Variants in XIRP2 observed in about 807,000 individuals in gnomAD.
XIRP2 encodes xin actin-binding repeat-containing protein 2.
In XIRP2, 236 loss-of-function variants were observed where a neutral mutation model predicts 277.0. The ratio of observed to expected loss-of-function variants is 0.85; its 90% CI spans 0.77 to 0.95. XIRP2 has a LOEUF of 0.95. Ranked by LOEUF, XIRP2 falls within the 40% of genes least tolerant of loss-of-function variation. The pLI is 0.00. For missense variants in XIRP2, 4,640 were observed against 4,157.5 expected, an observed-to-expected ratio of 1.12 and a Z score of -3.19; for synonymous variants, 1,490 against 1,416.5, an observed-to-expected ratio of 1.05 and a Z score of -1.17.
chr2:167,015,948 A>G (rs1402146289), intron 2 of XIRP2, among the ~76,000 whole-genome samples: 1 of 151,650 alleles, frequency 6.6e-6, no homozygotes, highest in Non-Finnish European at 1.5e-5. Context: ...AACTCTCTCT[A>G]CCCTGACTTT....
At chr2:167,072,277 G>C (rs1420775789) in intron 2 of XIRP2, among the ~76,000 whole-genome samples, 1 of 152,036 alleles carries the variant, frequency 6.6e-6, no homozygotes, top group Non-Finnish European at 1.5e-5. Flanking sequence ...TTATGGGAGG[G>C]TATATATAGA....
chr2:167,259,576 A>C lies in XIRP2; in HGVS notation c.*1759A>C. ...ATCTACTTTTGTTTGAACTGGAATG[A>C]AGAGATGAAACACTATGGATATGTT... is the stretch of plus-strand genomic sequence containing the variant. On this transcript the variant is annotated 3_prime_UTR_variant, in exon 11 of 11. Coordinates refer to ENST00000409195, the MANE Select transcript of XIRP2 (RefSeq NM_152381.6). 1 of 482,984 alleles carries C rather than the reference A, an allele frequency of 2.1e-6. No individual in the cohort carries two copies. Among genetic ancestry groups the C allele is most frequent in the South Asian group, 4.7e-5 (1 of 21,492 alleles). 29.9% of individuals were successfully genotyped at this position (482,984 alleles called of 1,614,324 possible). A position where few individuals can be genotyped will look rare whatever the true frequency, so the allele number is the denominator to read the frequency against.
rs1290328391 is a variant in XIRP2 at position 167,251,073 on chromosome 2, A to G, written c.9681A>G (p.Ile3227Met). 4 of 1,613,678 alleles carry G rather than the reference A, an allele frequency of 2.5e-6. No homozygotes were observed. The highest frequency in any genetic ancestry group is 8.5e-7 in the Non-Finnish European group (1 of 1,179,758). Residue 3227 changes from isoleucine (I) to methionine (M), a missense_variant, in exon 9 of 11, where the codon ATA becomes ATG. Transcript: ENST00000409195. ...SPATLRRQIKIETRGRDSPPT... is the reference protein window; with the variant it reads ...SPATLRRQIKMETRGRDSPPT... ...CAACACTTCGTCGTCAAATTAAGAT[A>G]GAAACTCGTGGTAGGGACTCTCCAC...
chr2:167,083,349 T>A lies in XIRP2; in HGVS notation c.409-52560T>A, dbSNP rs1335663570. Among the ~76,000 whole-genome samples the A allele has an allele frequency of 3.3e-5, 5 of 152,352 alleles. No homozygotes were observed. The East Asian group carries it at 9.7e-4, about 29-fold the overall frequency. On this transcript the variant is annotated intron_variant, in intron 2 of 10. Coordinates refer to ENST00000409195, the MANE Select transcript of XIRP2 (RefSeq NM_152381.6). ...CCATGCTGTTTTGGTTACTGTAGCC[T>A]TGTAGTATAGATTGAAGTCAGGTAG...
rs756020410 is a variant in XIRP2 at position 167,249,378 on chromosome 2, C to T, written c.7986C>T (p.Ser2662=). Residue 2662 remains serine, a synonymous_variant, in exon 9 of 11, where the codon AGC becomes AGT. Transcript: ENST00000409195. ...KDKMKKEVLQ[S]SRDIMQSKSA... is the part of the protein sequence containing the mutation. ...AGATGAAAAAGGAAGTTTTACAAAG[C>T]TCAAGGGACATTATGCAATCCAAAT... 6 of 1,613,674 alleles carry T rather than the reference C, an allele frequency of 3.7e-6. No homozygotes were observed. Among genetic ancestry groups the T allele is most frequent in the Non-Finnish European group, 5.1e-6 (6 of 1,179,794 alleles).
intron 2 of XIRP2, among the ~76,000 whole-genome samples, chr2:167,131,464 A>G (rs952198457): frequency 2.6e-5 from 4 of 152,122 alleles, no homozygotes; most frequent in African/African-American, 9.7e-5. Context: ...TCCATTCACC[A>G]TCTCCCAGTC....
intron 2 of XIRP2, among the ~76,000 whole-genome samples, chr2:167,121,392 A>G (rs1262148495): frequency 6.6e-6 from 1 of 152,172 alleles, no homozygotes; most frequent in South Asian, 2.1e-4. Context: ...CAAAAGGTCA[A>G]AGAAAATGAA....
rs576502549 is a variant in XIRP2, at chr2:167,016,424, G to A, written c.408+112534G>A. ...TCCTTTGATGCCTCTTCAGTCTCCT[G>A]AACAAAGACATAACTCCTCAGGGGC... On this transcript the variant is annotated intron_variant, in intron 2 of 10. Coordinates refer to ENST00000409195, the MANE Select transcript of XIRP2 (RefSeq NM_152381.6). Among the ~76,000 whole-genome samples, 4 of 151,936 alleles carry A rather than the reference G, an allele frequency of 2.6e-5. No individual in the cohort carries two copies. In the South Asian group the frequency reaches 8.3e-4, roughly 32 times the overall value.
At chr2:166,904,255 G>T (rs1372837806) in intron 2 of XIRP2, among the ~76,000 whole-genome samples, 3 of 152,094 alleles carry the variant, frequency 2.0e-5, no homozygotes, top group African/African-American at 4.8e-5. Flanking sequence ...TTTAGCCAAA[G>T]CTCCATGAGG....
chr2:167,170,648 G>A (rs1692661779), intron 3 of XIRP2, among the ~76,000 whole-genome samples: 1 of 152,000 alleles, frequency 6.6e-6, no homozygotes, highest in Non-Finnish European at 1.5e-5. Flanking sequence ...TATCTGTAGT[G>A]ACGTTCAATA....
intron 2 of XIRP2, among the ~76,000 whole-genome samples, chr2:167,062,299 A>T (rs779549973): frequency 2.0e-5 from 3 of 152,136 alleles, no homozygotes; most frequent in Non-Finnish European, 4.4e-5. Context: ...GCTATACCCC[A>T]CTGGACCTCA....
At chr2:167,059,611 A>G (rs1457332769) in intron 2 of XIRP2, among the ~76,000 whole-genome samples, 5 of 152,226 alleles carry the variant, frequency 3.3e-5, no homozygotes, top group Non-Finnish European at 7.3e-5. Flanking sequence ...GGAAATTGTC[A>G]GAGAATGTCT....
At chr2:166,947,901 G>T (rs1685921887) in intron 2 of XIRP2, among the ~76,000 whole-genome samples, 1 of 152,200 alleles carries the variant, frequency 6.6e-6, no homozygotes, top group African/African-American at 2.4e-5. Context: ...ACATCTAGAT[G>T]ATGGAATATT....
In XIRP2 at chr2:167,250,111, A is replaced by G. The variant is rs776647826; in HGVS notation, c.8719A>G (p.Lys2907Glu). ...TCTCGAAGTCAAGGGCATACAAGAG[A>G]AACAAGTCTTCTCTAATACTAAAGA... ...KCLEVKGIQE[K>E]QVFSNTKDSK... Residue 2907 changes from lysine to glutamate, a missense_variant, in exon 9 of 11, where the codon AAA (lysine) becomes GAA (glutamate). By Grantham distance (56) the Lys-to-Glu change is moderately conservative. Transcript: ENST00000409195. 9.9e-6 allele frequency: 16 copies of G among 1,613,260 alleles called. No individual in the cohort carries two copies. Among genetic ancestry groups the G allele is most frequent in the South Asian group, 7.7e-5 (7 of 91,018 alleles).
At chr2:166,948,419 C>T (rs1408144119) in intron 2 of XIRP2, among the ~76,000 whole-genome samples, 3 of 151,946 alleles carry the variant, frequency 2.0e-5, no homozygotes, top group Non-Finnish European at 2.9e-5. Flanking sequence ...GGTAGCTGGA[C>T]GTTATACAGT....
At chr2:166,943,620 A>G (rs1685779434) in intron 2 of XIRP2, among the ~76,000 whole-genome samples, 2 of 152,250 alleles carry the variant, frequency 1.3e-5, no homozygotes, top group African/African-American at 4.8e-5. Context: ...GACTGAAGTC[A>G]GGGCAAAAAG....
chr2:167,165,351 G>C (rs1286612840), intron 3 of XIRP2, among the ~76,000 whole-genome samples: 1 of 152,066 alleles, frequency 6.6e-6, no homozygotes, highest in Non-Finnish European at 1.5e-5. Flanking sequence ...TAACTCTTTT[G>C]GGTAAATACC....
In XIRP2 at chr2:167,214,093, A is replaced by AGAAGGAAGGAAGGAAGGAAGGAAGGAAG. The variant is rs776926324; in HGVS notation, c.723+3215_723+3242dup. On this transcript the variant is annotated intron_variant, in intron 4 of 10. Coordinates refer to ENST00000409195, the MANE Select transcript of XIRP2 (RefSeq NM_152381.6). ...TAGAAAGGAAGGAAGGAAGAAAGAA[A>AGAAGGAAGGAAGGAAGGAAGGAAGGAAG]GAAGGAAGGAAGGAAGGAAGGAAGG... 1.2e-4 allele frequency among the ~76,000 whole-genome samples: 8 copies of AGAAGGAAGGAAGGAAGGAAGGAAGGAAG among 64,372 alleles called. 1 individual carries two copies. Among genetic ancestry groups the AGAAGGAAGGAAGGAAGGAAGGAAGGAAG allele is most frequent in the Non-Finnish European group, 1.4e-4 (5 of 35,948 alleles). 42.2% of individuals were successfully genotyped at this position (64,372 alleles called of 152,430 possible).
intron 3 of XIRP2, among the ~76,000 whole-genome samples, chr2:167,184,898 C>G (rs890368024): frequency 6.6e-6 from 1 of 152,040 alleles, no homozygotes; most frequent in Non-Finnish European, 1.5e-5. Context: ...GTAAAATTTT[C>G]AATTTGAATG....
Sources: gnomAD v4.1 joint callset for allele counts (sites outside exome capture counted in the v4.1 genomes callset) on GRCh38, gnomAD v4.1.1 for gene constraint, MANE v1.5 for transcripts, NCBI Gene and HGNC (gene_info 2026-07-23, HGNC 2026-07-21) for gene names.